ZNF385D: variants seen among roughly 807,000 people sequenced by gnomAD.
ZNF385D encodes zinc finger protein 659.
A neutral mutation model predicts 35.8 loss-of-function variants in ZNF385D; 15 were observed. The ratio of observed to expected loss-of-function variants is 0.42; its 90% CI spans 0.28 to 0.64. The LOEUF (loss-of-function observed/expected upper bound fraction) is 0.64, where lower values mean the gene tolerates loss of function less well. Among genes scored for constraint, ZNF385D ranks in the 30% least tolerant of loss-of-function variants. The pLI, the probability that ZNF385D is intolerant of heterozygous loss-of-function variation, is 0.23. For synonymous variants in ZNF385D, 212 were observed against 186.8 expected (o/e 1.13, Z -1.10); for missense variants, 474 against 494.6 (o/e 0.96, Z 0.39).
At chr3:21,872,068 C>T (rs977105311) in intron 3 of ZNF385D, among the ~76,000 whole-genome samples, 5 of 151,880 alleles carry the variant, frequency 3.3e-5, no homozygotes, top group Admixed American at 6.6e-5. Context: ...AATAAATATA[C>T]GTATTTTAAA....
chr3:21,511,610 C>T (rs528569057), intron 3 of ZNF385D: 4 of 440,200 alleles, frequency 9.1e-6, no homozygotes, highest in African/African-American at 6.1e-5. Context: ...ATTCTTTCTC[C>T]TCACTTCTTA....
At chr3:21,730,479 C>A (rs1355791629) in intron 1 of ZNF385D, among the ~76,000 whole-genome samples, 1 of 152,160 alleles carries the variant, frequency 6.6e-6, no homozygotes, top group Non-Finnish European at 1.5e-5. Context: ...TAATCCATTG[C>A]CAGATAACTA....
At chr3:21,789,622 G>A (rs1305706164) in intron 3 of ZNF385D, among the ~76,000 whole-genome samples, 1 of 152,034 alleles carries the variant, frequency 6.6e-6, no homozygotes, top group East Asian at 1.9e-4. Flanking sequence ...ACCTCTTTCT[G>A]AAGAATAAAG....
intron 2 of ZNF385D, among the ~76,000 whole-genome samples, chr3:22,198,686 CTAT>C (rs1696584259): frequency 6.6e-6 from 1 of 151,942 alleles, no homozygotes; most frequent in African/African-American, 2.4e-5. Flanking sequence ...ATTTGTAATA[CTAT>C]TATAAAAATG....
intron 2 of ZNF385D, among the ~76,000 whole-genome samples, chr3:22,209,452 T>C (rs1697373596): frequency 6.6e-6 from 1 of 151,886 alleles, no homozygotes; most frequent in Non-Finnish European, 1.5e-5. Flanking sequence ...TATTAATGAT[T>C]TTTAAGTCCT....
At chr3:22,320,037 A>G (rs1694333364) in intron 2 of ZNF385D, among the ~76,000 whole-genome samples, 1 of 151,952 alleles carries the variant, frequency 6.6e-6, no homozygotes, top group Admixed American at 6.6e-5. Flanking sequence ...AAGATCCTGA[A>G]TTTCACAAAA....
chr3:21,638,782 T>C (rs1054389272), intron 2 of ZNF385D, among the ~76,000 whole-genome samples: 24 of 152,088 alleles, frequency 1.6e-4, no homozygotes, highest in African/African-American at 5.8e-4. Context: ...CTACATCTTG[T>C]AATACTCAGG....
intron 3 of ZNF385D, among the ~76,000 whole-genome samples, chr3:21,950,529 T>C (rs1702014790): frequency 6.6e-6 from 1 of 151,784 alleles, no homozygotes; most frequent in Non-Finnish European, 1.5e-5. Flanking sequence ...ATAGTTTCTT[T>C]TGCTGTGCAG....
At chr3:21,544,760 A>AAT (rs1182545761) in intron 3 of ZNF385D, among the ~76,000 whole-genome samples, 2 of 152,148 alleles carry the variant, frequency 1.3e-5, no homozygotes, top group African/African-American at 4.8e-5. Context: ...ATTTTGGCAA[A>AAT]ATAAATAACT....
At chr3:22,108,652 T>G (rs1194488262) in intron 3 of ZNF385D, among the ~76,000 whole-genome samples, 1 of 152,166 alleles carries the variant, frequency 6.6e-6, no homozygotes, top group Non-Finnish European at 1.5e-5. Context: ...AATTCTCTCA[T>G]CTGTGAAGTG....
chr3:21,657,529 A>T (rs2066107877), intron 2 of ZNF385D, among the ~76,000 whole-genome samples: 5 of 151,960 alleles, frequency 3.3e-5, no homozygotes, highest in Admixed American at 3.3e-4. Context: ...TTTCTTAAGA[A>T]GCTTGTGTTA....
intron 1 of ZNF385D, among the ~76,000 whole-genome samples, chr3:21,686,588 G>T (rs1007565785): frequency 1.3e-5 from 2 of 151,928 alleles, no homozygotes; most frequent in Non-Finnish European, 2.9e-5. Flanking sequence ...AATAATAAAG[G>T]AATATTTTAC....
intron 3 of ZNF385D, among the ~76,000 whole-genome samples, chr3:21,835,330 C>A (rs146400469): frequency 9.2e-4 from 140 of 151,804 alleles, no homozygotes; most frequent in African/African-American, 3.2e-3. Flanking sequence ...AAGTATGTAG[C>A]AAATGGCTCA....
chr3:21,834,561 C>T (rs1695204268), intron 3 of ZNF385D, among the ~76,000 whole-genome samples: 1 of 152,166 alleles, frequency 6.6e-6, no homozygotes, highest in Non-Finnish European at 1.5e-5. Flanking sequence ...AATTAAATAA[C>T]ACTGAGCCTT....
chr3:21,894,117 A>T (rs549124087), intron 3 of ZNF385D, among the ~76,000 whole-genome samples: 2 of 152,298 alleles, frequency 1.3e-5, no homozygotes, highest in South Asian at 4.1e-4. Context: ...TTGCATAGTC[A>T]TATATATCAA....
At chr3:22,071,898 C>T (rs1193027547) in intron 3 of ZNF385D, among the ~76,000 whole-genome samples, 12 of 151,942 alleles carry the variant, frequency 7.9e-5, no homozygotes, top group Non-Finnish European at 1.2e-4. Flanking sequence ...ACTGTCTTGA[C>T]GTAAATCAAA....
intron 1 of ZNF385D, among the ~76,000 whole-genome samples, chr3:21,715,691 T>C (rs981825207): frequency 2.0e-5 from 3 of 152,154 alleles, no homozygotes; most frequent in African/African-American, 7.2e-5. Context: ...TTTTCCATAG[T>C]GTTTCATCCT....
Position 22,228,943 on chromosome 3 carries a change from C to G in ZNF385D, c.107-59908G>C, listed in dbSNP as rs991468798. 2.0e-5 allele frequency among the ~76,000 whole-genome samples: 3 copies of G among 152,194 alleles called. No homozygotes were observed. In the South Asian group the frequency reaches 6.2e-4, roughly 32 times the overall value. ...GTTTGCCCAGGAGCTCTTAGGCCTT[C>G]GGCCACAGGCTGAATGCTGCACTGT... On this transcript the variant is annotated intron_variant, in intron 2 of 5. Coordinates refer to the ZNF385D transcript ENST00000494108.
At chr3:22,171,647 C>T (rs867734325) in intron 2 of ZNF385D, among the ~76,000 whole-genome samples, 18 of 152,036 alleles carry the variant, frequency 1.2e-4, no homozygotes, top group Admixed American at 3.9e-4. Flanking sequence ...GAGGCCGAGG[C>T]GGGTGGATCA....
Sources: gnomAD v4.1 joint callset for allele counts (sites outside exome capture counted in the v4.1 genomes callset) on GRCh38, gnomAD v4.1.1 for gene constraint, MANE v1.5 for transcripts, NCBI Gene and HGNC (gene_info 2026-07-23, HGNC 2026-07-21) for gene names.